The following CADM2 variants were observed in gnomAD, a reference collection of about 807,000 sequenced individuals.
The protein encoded by CADM2 is cell adhesion molecule 2, also known as immunoglobulin superfamily member 4D.
Under a neutral mutation model 49.8 loss-of-function variants are expected in CADM2, and 12 were observed. The observed-to-expected ratio is 0.24, with a 90% CI of 0.15 to 0.39. The LOEUF (loss-of-function observed/expected upper bound fraction) is 0.39. Ranked by LOEUF, CADM2 falls within the 10% of genes least tolerant of loss-of-function variation. The pLI is 1.00. For missense variants in CADM2, 378 were observed against 492.3 expected, an observed-to-expected ratio of 0.77 and a Z score of 2.20; for synonymous variants, 214 against 175.4, an observed-to-expected ratio of 1.22 and a Z score of -1.74.
At chr3:85,365,964 T>C (rs561528997) in intron 1 of CADM2, among the ~76,000 whole-genome samples, 6 of 152,280 alleles carry the variant, frequency 3.9e-5, no homozygotes, top group Non-Finnish European at 5.9e-5. Context: ...GCTGTCTGAT[T>C]GTCATTTAGT....
chr3:85,679,031 T>C (rs923454269), intron 1 of CADM2, among the ~76,000 whole-genome samples: 10 of 152,170 alleles, frequency 6.6e-5, no homozygotes, highest in Non-Finnish European at 1.3e-4. Context: ...ATATGATGCA[T>C]AGCGAATCAG....
chr3:85,329,654 T>C (rs1400914330), intron 1 of CADM2, among the ~76,000 whole-genome samples: 1 of 152,086 alleles, frequency 6.6e-6, no homozygotes, highest in Non-Finnish European at 1.5e-5. Context: ...AATTACCAAA[T>C]TATGTGTGTG....
chr3:85,919,602 T>C (rs780733948), intron 6 of CADM2, among the ~76,000 whole-genome samples: 17 of 151,954 alleles, frequency 1.1e-4, no homozygotes, highest in Admixed American at 1.3e-4. Context: ...GATGATTATA[T>C]CTCTATTCTA....
intron 1 of CADM2, among the ~76,000 whole-genome samples, chr3:85,566,957 C>A (rs2062280400): frequency 6.6e-6 from 1 of 152,142 alleles, no homozygotes. Context: ...CTATTTTTCT[C>A]TTTAAATTGG....
intron 1 of CADM2, among the ~76,000 whole-genome samples, chr3:85,204,460 G>A (rs9837627): frequency 9.1e-4 from 139 of 151,940 alleles, no homozygotes; most frequent in African/African-American, 3.1e-3. Flanking sequence ...CCTTATTTAC[G>A]TTCCATCTCC....
At chr3:85,907,238 A>C (rs1716924598) in intron 5 of CADM2, among the ~76,000 whole-genome samples, 1 of 152,180 alleles carries the variant, frequency 6.6e-6, no homozygotes, top group African/African-American at 2.4e-5. Flanking sequence ...GTGGATTCAG[A>C]CTAAATTCCT....
chr3:85,734,032 CAATGCTACAACACCAAAA>C (rs2068036263), intron 2 of CADM2, among the ~76,000 whole-genome samples: 2 of 151,914 alleles, frequency 1.3e-5, no homozygotes. Flanking sequence ...ATTTTTAAAA[CAATGCTACAACACCAAAA>C]TTTAAGTTAC....
At chr3:85,965,780 A>G (rs186164545) in intron 8 of CADM2, among the ~76,000 whole-genome samples, 134 of 151,762 alleles carry the variant, frequency 8.8e-4, no homozygotes, top group Middle Eastern at 3.4e-3. Flanking sequence ...AGAACATAAC[A>G]GATGATACCA....
chr3:85,370,480 C>T (rs977359396), intron 1 of CADM2, among the ~76,000 whole-genome samples: 1 of 151,686 alleles, frequency 6.6e-6, no homozygotes, highest in South Asian at 2.1e-4. Flanking sequence ...TTCCTATTGC[C>T]TAGTGCTGTC....
chr3:85,555,913 A>G (rs1277591058), intron 1 of CADM2, among the ~76,000 whole-genome samples: 1 of 152,168 alleles, frequency 6.6e-6, no homozygotes, highest in African/African-American at 2.4e-5. Context: ...ACTAAAACCT[A>G]GAGTGAGTCA....
At chr3:86,035,442 C>T (rs1319612034) in intron 8 of CADM2, among the ~76,000 whole-genome samples, 2 of 152,000 alleles carry the variant, frequency 1.3e-5, no homozygotes, top group African/African-American at 2.4e-5. Flanking sequence ...TTCTCACCTT[C>T]AGTGATCAGT....
chr3:85,533,895 C>G (rs554512607), intron 1 of CADM2, among the ~76,000 whole-genome samples: 1 of 151,790 alleles, frequency 6.6e-6, no homozygotes, highest in Non-Finnish European at 1.5e-5. Flanking sequence ...AAAGAGCAAG[C>G]CTTTCCACAG....
chr3:85,598,393 AT>A (rs748694912), intron 1 of CADM2, among the ~76,000 whole-genome samples: 127 of 152,074 alleles, frequency 8.4e-4, no homozygotes, highest in Middle Eastern at 3.4e-3. Flanking sequence ...AATCTCTGGA[AT>A]TTCTAGGATT....
intron 1 of CADM2, among the ~76,000 whole-genome samples, chr3:85,140,009 G>A (rs1162683826): frequency 6.6e-6 from 1 of 152,128 alleles, no homozygotes; most frequent in Non-Finnish European, 1.5e-5. Flanking sequence ...TCAGGCTGGA[G>A]TTAAAGACCA....
At chr3:85,914,191 T>C (rs1717986570) in intron 6 of CADM2, among the ~76,000 whole-genome samples, 1 of 152,156 alleles carries the variant, frequency 6.6e-6, no homozygotes, top group South Asian at 2.1e-4. Context: ...TTGAAGCAAA[T>C]TCAGAAAGAA....
intron 1 of CADM2, among the ~76,000 whole-genome samples, chr3:85,704,269 G>A (rs111871980): frequency 1.9e-3 from 294 of 152,314 alleles, no homozygotes; most frequent in Non-Finnish European, 3.1e-3. Flanking sequence ...AGAGCAGACA[G>A]CAAGGAAACA....
In CADM2 at chr3:85,916,549, A is replaced by AT. The variant is rs750793860; in HGVS notation, c.700+4010dup. On this transcript the variant is annotated intron_variant, in intron 6 of 9. Coordinates refer to ENST00000383699, the MANE Select transcript of CADM2 (RefSeq NM_001167675.2). Reference sequence around the variant, plus strand: ...GTATTCCATGGTGTATATGTGCCACATTTTCTTAATCCAGTCTATCATTGT... The same window carrying AT: ...GTATTCCATGGTGTATATGTGCCACATTTTTCTTAATCCAGTCTATCATTGT... Among the ~76,000 whole-genome samples, 7 of 151,628 alleles carry AT rather than the reference A, an allele frequency of 4.6e-5. No homozygotes were observed. The East Asian group carries it at 9.7e-4, about 21-fold the overall frequency.
intron 8 of CADM2, among the ~76,000 whole-genome samples, chr3:86,062,386 G>A (rs544984851): frequency 1.1e-4 from 17 of 152,174 alleles, no homozygotes; most frequent in African/African-American, 3.1e-4. Context: ...AGATATTAGA[G>A]AGCTAAAATT....
At chr3:85,261,101 C>A (rs1411717161) in intron 1 of CADM2, among the ~76,000 whole-genome samples, 1 of 151,940 alleles carries the variant, frequency 6.6e-6, no homozygotes, top group Admixed American at 6.6e-5. Context: ...TCTTTCTCAA[C>A]AGACATGTTT....
Sources: gnomAD v4.1 joint callset for allele counts (sites outside exome capture counted in the v4.1 genomes callset) on GRCh38, gnomAD v4.1.1 for gene constraint, MANE v1.5 for transcripts, NCBI Gene and HGNC (gene_info 2026-07-23, HGNC 2026-07-21) for gene names.